ADAM11: variants seen among roughly 807,000 people sequenced by gnomAD.
ADAM11 encodes the protein disintegrin and metalloproteinase domain-containing protein 11.
A neutral mutation model predicts 119.1 loss-of-function variants in ADAM11; 49 were observed. The observed-to-expected ratio is 0.41, with a 90% CI of 0.33 to 0.52. The LOEUF is 0.52. Ranked by LOEUF, ADAM11 falls within the 20% of genes least tolerant of loss-of-function variation. ADAM11 has a pLI of 0.20. For synonymous variants in ADAM11, 364 were observed against 408.0 expected (o/e 0.89, Z 1.30); for missense variants, 777 against 1,047.5 (o/e 0.74, Z 3.56).
In ADAM11 at chr17:44,776,847, C is replaced by T. The variant is rs1391584891; in HGVS notation, c.1617+52C>T. The T allele has an allele frequency of 3.1e-6, 5 of 1,613,886 alleles. No individual in the cohort carries two copies. The East Asian group carries it at 1.1e-4, about 36-fold the overall frequency. On this transcript the variant is annotated intron_variant, in intron 19 of 26. Transcript: ENST00000200557. This position sits in a 1 kb window ranked among gnomAD's most constrained non-coding sequence, Gnocchi z 5.2. Reference sequence around the variant, plus strand: ...GATTCAGGGCAGTCTCTTGTCTCCACTCTGACCACTCAGCATCTCCATCCC... The same window carrying T: ...GATTCAGGGCAGTCTCTTGTCTCCATTCTGACCACTCAGCATCTCCATCCC...
chr17:44,768,898 C>G (rs888308334), intron 2 of ADAM11, among the ~76,000 whole-genome samples: 1 of 152,300 alleles, frequency 6.6e-6, no homozygotes, highest in African/African-American at 2.4e-5. Context: ...CCTGAGTCCT[C>G]TCAGCCCTTC....
chr17:44,768,493 A>G (rs565448501), intron 2 of ADAM11, among the ~76,000 whole-genome samples: 1 of 152,274 alleles, frequency 6.6e-6, no homozygotes, highest in South Asian at 2.1e-4. Flanking sequence ...CCCTAGCTTC[A>G]CCACTTTTTA....
At chr17:44,778,091 GGTCT>G (rs1567696071) in intron 24 of ADAM11, 25 bp downstream of exon 24, 13 of 1,610,496 alleles carry the variant, frequency 8.1e-6, no homozygotes, top group Non-Finnish European at 1.1e-5. Flanking sequence ...GGCCGAGGGG[GGTCT>G]GTCTGTCCTG....
intron 2 of ADAM11, among the ~76,000 whole-genome samples, chr17:44,764,906 A>G (rs1398583507): frequency 6.6e-6 from 1 of 152,044 alleles, no homozygotes; most frequent in East Asian, 1.9e-4. Flanking sequence ...AACAGGAGCC[A>G]GGATATTTAG....
intron 3 of ADAM11, 52 bp downstream of exon 3, chr17:44,769,846 C>T (rs1417131059): frequency 6.3e-7 from 1 of 1,575,796 alleles, no homozygotes; most frequent in African/African-American, 1.3e-5. Context: ...GCGGGGGAGA[C>T]ATGGCTAGGG....
In ADAM11 at chr17:44,772,363, G is replaced by A. The variant is rs558025769; in HGVS notation, c.610+30G>A. ...GGGAGGGAAGGGGGGGTGGGGAGGG[G>A]CCGGCTGTGCCCCCCTCACCTGCCC... On this transcript the variant is annotated intron_variant, in intron 7 of 26. Transcript: ENST00000200557. The surrounding 1 kb of genome is among the most constrained non-coding windows in gnomAD (Gnocchi z 4.5). 1.1e-4 allele frequency: 166 copies of A among 1,579,822 alleles called. 2 individuals carry two copies. In the South Asian group the frequency reaches 1.8e-3, roughly 17 times the overall value.
chr17:44,777,055 G>A lies in ADAM11; in HGVS notation c.1681+93G>A, dbSNP rs917806410. 5.2e-6 allele frequency: 8 copies of A among 1,548,678 alleles called. No homozygotes were observed. The highest frequency in any genetic ancestry group is 2.3e-4 in the Middle Eastern group (1 of 4,320). On this transcript the variant is annotated intron_variant, in intron 20 of 26. Coordinates refer to ENST00000200557, the MANE Select transcript of ADAM11 (RefSeq NM_002390.6). This position sits in a 1 kb window ranked among gnomAD's most constrained non-coding sequence, Gnocchi z 5.1. ...GTTCCAGCTGAACAGGCCCCCAAGT[G>A]TGTAGCTCCCCAGGATCTCAGGGAC...
At chr17:44,760,899 C>T (rs898145709) in intron 2 of ADAM11, among the ~76,000 whole-genome samples, 4 of 151,002 alleles carry the variant, frequency 2.6e-5, no homozygotes, top group African/African-American at 9.8e-5. Context: ...CGGGGTGGTG[C>T]AGGGGTGGAG....
chr17:44,763,498 C>G (rs1405913880), intron 2 of ADAM11, among the ~76,000 whole-genome samples: 1 of 152,228 alleles, frequency 6.6e-6, no homozygotes, highest in Non-Finnish European at 1.5e-5. Context: ...CAGGCTAGGC[C>G]TGAGGCCCAG....
rs549246610 is a variant in ADAM11, at chr17:44,773,430, G to A, written c.992+3G>A. The A allele has an allele frequency of 1.1e-5, 17 of 1,612,182 alleles. No homozygotes were observed. The South Asian group carries it at 1.3e-4, about 12-fold the overall frequency. On this transcript the variant is annotated splice_donor_region_variant and intron_variant, in intron 11 of 26. Coordinates refer to ENST00000200557, the MANE Select transcript of ADAM11 (RefSeq NM_002390.6). This position sits in a 1 kb window ranked among gnomAD's most constrained non-coding sequence, Gnocchi z 4.6. ...AGTGATGCCACCCACCTCTTCTCGT[G>A]AGTCCCCCACCCTGCACCTCCTGCC...
rs1567695274 is a variant in ADAM11, at chr17:44,777,008, G to A, written c.1681+46G>A. 4.4e-6 allele frequency: 7 copies of A among 1,590,182 alleles called. No homozygotes were observed. Among genetic ancestry groups the A allele is most frequent in the Non-Finnish European group, 6.0e-6 (7 of 1,163,346 alleles). On this transcript the variant is annotated intron_variant, in intron 20 of 26. Coordinates refer to ENST00000200557, the MANE Select transcript of ADAM11 (RefSeq NM_002390.6). This position sits in a 1 kb window ranked among gnomAD's most constrained non-coding sequence, Gnocchi z 5.1. The stretch of plus-strand genomic sequence containing the variant: ...GAGTGGGGACTCCGGAGGACCCAGA[G>A]CTGAGAAGCTGGGGAGAGTGGGTTC...
At chr17:44,770,897 G>A (rs1009124850) in intron 4 of ADAM11, among the ~76,000 whole-genome samples, 3 of 152,048 alleles carry the variant, frequency 2.0e-5, no homozygotes, top group East Asian at 1.9e-4. Context: ...GGCGGATCAC[G>A]TGAGGTCAGG....
intron 2 of ADAM11, among the ~76,000 whole-genome samples, chr17:44,765,954 G>A (rs566917803): frequency 6.6e-6 from 1 of 152,302 alleles, no homozygotes; most frequent in South Asian, 2.1e-4. Context: ...TGAGGCCGGG[G>A]GCATGAAGCA....
At chr17:44,762,984 A>AG (rs2049406969) in intron 2 of ADAM11, among the ~76,000 whole-genome samples, 2 of 151,950 alleles carry the variant, frequency 1.3e-5, no homozygotes, top group Admixed American at 6.6e-5. Flanking sequence ...AAAAAAAAAA[A>AG]AATTACCCAA....
Position 44,774,314 on chromosome 17 carries a change from A to G in ADAM11, c.1012A>G (p.Thr338Ala), listed in dbSNP as rs1157050116. ...TTCCAGGGGCAGGACCTTCCAGAGCACGAGCAGCGGGGCAGCCTACGTGGG... is the reference window on the plus strand; with the variant it reads ...TTCCAGGGGCAGGACCTTCCAGAGCGCGAGCAGCGGGGCAGCCTACGTGGG... ...HLFSGRTFQS[T>A]SSGAAYVGGI... Residue 338 changes from threonine to alanine, a missense_variant, in exon 12 of 27, where the codon ACG becomes GCG. Around this residue, in one of 4 missense-constraint regions of ADAM11, gnomAD observed 147 missense variants for 223.3 expected, o/e 0.66. Coordinates refer to ENST00000200557, the MANE Select transcript of ADAM11 (RefSeq NM_002390.6). The G allele has an allele frequency of 6.8e-7, 1 of 1,471,680 alleles. No individual in the cohort carries two copies. Among genetic ancestry groups the G allele is most frequent in the Non-Finnish European group, 9.0e-7 (1 of 1,107,826 alleles). The allele number at this position is 1,471,680 out of a possible 1,614,324, so 91.2% of individuals were successfully genotyped here.
chr17:44,769,837 C>T (rs777456049), intron 3 of ADAM11, 43 bp downstream of exon 3: 34 of 1,401,542 alleles, frequency 2.4e-5, no homozygotes, highest in Admixed American at 3.4e-5. Flanking sequence ...AGTGGTGGGG[C>T]GGGGGAGACA....
intron 4 of ADAM11, 28 bp downstream of exon 4, chr17:44,770,076 C>T (rs1307900251): frequency 4.3e-6 from 7 of 1,612,334 alleles, no homozygotes; most frequent in East Asian, 4.5e-5. Context: ...GGACCGGGGC[C>T]GGGGATGGAA....
At position 44,773,637 on chromosome 17, in the gene ADAM11, TC is replaced by T. The variant is rs1441900403; in HGVS notation, c.992+211del. ...GCCCTTGTCTTAGCCCTGGTGGTCC[TC>T]TTCTGCCTCTCACCTCCCCTTAGTT... On this transcript the variant is annotated intron_variant, in intron 11 of 26. Coordinates refer to ENST00000200557, the MANE Select transcript of ADAM11 (RefSeq NM_002390.6). This position sits in a 1 kb window ranked among gnomAD's most constrained non-coding sequence, Gnocchi z 4.6. Among the ~76,000 whole-genome samples the T allele has an allele frequency of 6.6e-6, 1 of 152,160 alleles. No homozygotes were observed. Among genetic ancestry groups the T allele is most frequent in the Non-Finnish European group, 1.5e-5 (1 of 68,034 alleles).
rs772780802 is a variant in ADAM11 at position 44,769,711 on chromosome 17, C to G, written c.238-7C>G. ...GTTGACTCCCCCTCTGCCCTCCCCC[C>G]ACCCAGCCTGTCCATCTGGCCCAGG... On this transcript the variant is annotated splice_region_variant and splice_polypyrimidine_tract_variant and intron_variant, in intron 2 of 26. Transcript: ENST00000200557. The G allele has an allele frequency of 6.3e-6, 10 of 1,595,774 alleles. No individual in the cohort carries two copies. The highest frequency in any genetic ancestry group is 1.3e-5 in the African/African-American group (1 of 74,594).
Sources: gnomAD v4.1 joint callset for allele counts (sites outside exome capture counted in the v4.1 genomes callset) on GRCh38, gnomAD v4.1.1 for gene constraint, gnomAD v4.1.1 regional missense constraint, Gnocchi (gnomAD v3.1) non-coding constraint, MANE v1.5 for transcripts, NCBI Gene and HGNC (gene_info 2026-07-23, HGNC 2026-07-21) for gene names.